The following PCDHGA1 variants were observed in gnomAD, a reference collection of about 807,000 sequenced individuals.
PCDHGA1 encodes the protein protocadherin gamma subfamily A, 1.
In PCDHGA1, 32 loss-of-function variants were observed where a neutral mutation model predicts 58.0. The ratio of observed to expected loss-of-function variants is 0.55; its 90% confidence interval spans 0.42 to 0.74. The LOEUF (loss-of-function observed/expected upper bound fraction) is 0.74. Among genes scored for constraint, PCDHGA1 ranks in the 30% least tolerant of loss-of-function variants. The pLI is 0.00. For synonymous variants in PCDHGA1, 498 were observed against 501.1 expected (o/e 0.99, Z 0.08); for missense variants, 1,205 against 1,182.3 (o/e 1.02, Z -0.28).
intron 1 of PCDHGA1, among the ~76,000 whole-genome samples, chr5:141,455,803 A>C (rs1197986124): frequency 2.6e-5 from 4 of 152,068 alleles, no homozygotes; most frequent in Non-Finnish European, 4.4e-5. Flanking sequence ...TGCTTTAAAA[A>C]ATGAAAACTT....
At chr5:141,371,895 C>T (rs1561553190) in intron 1 of PCDHGA1, 1 of 1,613,450 alleles carries the variant, frequency 6.2e-7, no homozygotes. Context: ...GCCGCGGGAG[C>T]TGTCGTCCTA....
At chr5:141,496,637 C>T (rs907246032) in intron 2 of PCDHGA1, among the ~76,000 whole-genome samples, 6 of 152,214 alleles carry the variant, frequency 3.9e-5, no homozygotes, top group Non-Finnish European at 7.3e-5. Context: ...GCTTGGGCTG[C>T]CCTTGCCCTT....
intron 1 of PCDHGA1, among the ~76,000 whole-genome samples, chr5:141,474,010 C>G (rs989832548): frequency 1.3e-5 from 2 of 152,092 alleles, no homozygotes; most frequent in Admixed American, 1.3e-4. Flanking sequence ...CTGGAAGTTA[C>G]AGTGAGCTAT....
intron 1 of PCDHGA1, chr5:141,339,880 CAT>C (rs753788079): frequency 1.2e-6 from 2 of 1,614,116 alleles, no homozygotes; most frequent in Non-Finnish European, 1.7e-6. Flanking sequence ...AACTGACAAT[CAT>C]AAAAGATCTA....
intron 1 of PCDHGA1, chr5:141,364,687 A>C: frequency 6.2e-7 from 1 of 1,614,004 alleles, no homozygotes; most frequent in Non-Finnish European, 8.5e-7. Flanking sequence ...TTTATGGAGT[A>C]GAAGTAGAAA....
At chr5:141,405,978 T>G (rs1280230437) in intron 1 of PCDHGA1, among the ~76,000 whole-genome samples, 1 of 152,144 alleles carries the variant, frequency 6.6e-6, no homozygotes, top group Non-Finnish European at 1.5e-5. Context: ...TAAACCATAC[T>G]TCATGGGGTA....
intron 1 of PCDHGA1, chr5:141,421,352 AGG>A: frequency 6.2e-7 from 1 of 1,613,946 alleles, no homozygotes; most frequent in Non-Finnish European, 8.5e-7. Context: ...GAGACCGAAA[AGG>A]GCTCCTTCGT....
rs1424221139 is a variant in PCDHGA1, at chr5:141,491,867, T to G, written c.2422-2940T>G. On this transcript the variant is annotated intron_variant, in intron 1 of 3. Coordinates refer to ENST00000517417, the MANE Select transcript of PCDHGA1 (RefSeq NM_018912.3). The surrounding 1 kb of genome is among the most constrained non-coding windows in gnomAD (Gnocchi z 6.9). ...TTGGACCGTTTGCGCGAAACCAGAG[T>G]GGCCGATTAAGGGATGGGGCTCCGA... 2 of 1,452,218 alleles carry G rather than the reference T, an allele frequency of 1.4e-6. No homozygotes were observed. The highest frequency in any genetic ancestry group is 1.8e-6 in the Non-Finnish European group (2 of 1,099,056). 90.0% of individuals were successfully genotyped at this position (1,452,218 alleles called of 1,614,324 possible).
chr5:141,446,455 T>G (rs1347586383), intron 1 of PCDHGA1, among the ~76,000 whole-genome samples: 1 of 151,858 alleles, frequency 6.6e-6, no homozygotes, highest in Non-Finnish European at 1.5e-5. Context: ...AGATATTCAG[T>G]GTGTGATTAG....
chr5:141,364,059 A>G (rs951709303), intron 1 of PCDHGA1, among the ~76,000 whole-genome samples: 1 of 152,254 alleles, frequency 6.6e-6, no homozygotes, highest in African/African-American at 2.4e-5. Flanking sequence ...AAATAAAATT[A>G]TAACTAAACT....
At chr5:141,440,280 A>G (rs1389627767) in intron 1 of PCDHGA1, 1 of 152,220 alleles carries the variant, frequency 6.6e-6, no homozygotes, top group East Asian at 1.9e-4. Context: ...CAGCCTGACC[A>G]ACATAGTGAA....
At chr5:141,439,077 C>T (rs978045948) in intron 1 of PCDHGA1, among the ~76,000 whole-genome samples, 1 of 151,492 alleles carries the variant, frequency 6.6e-6, no homozygotes, top group Non-Finnish European at 1.5e-5. Flanking sequence ...CCTGTAATCC[C>T]AGCTACTCAG....
At position 141,330,820 on chromosome 5, in the gene PCDHGA1, G is replaced by A; in HGVS notation, c.136G>A (p.Gly46Ser). Reference sequence around the variant, plus strand: ...AGAGACAGACAAAGGTTCCTTCGTAGGCAACATCGCCAAGGACCTAGGGCT... The same window carrying A: ...AGAGACAGACAAAGGTTCCTTCGTAAGCAACATCGCCAAGGACCTAGGGCT... Reference protein sequence around the residue: ...PEETDKGSFVGNIAKDLGLQP... With the variant: ...PEETDKGSFVSNIAKDLGLQP... The change falls in exon 1 of 4, where the codon GGC becomes AGC. Residue 46 changes from glycine (G) to serine (S), a missense_variant. By Grantham distance (56) the Gly-to-Ser change is moderately conservative (BLOSUM62 0). Coordinates refer to ENST00000517417, the MANE Select transcript of PCDHGA1 (RefSeq NM_018912.3). 1 of 1,614,210 alleles carries A rather than the reference G, an allele frequency of 6.2e-7. No individual in the cohort carries two copies. The highest frequency in any genetic ancestry group is 1.7e-5 in the Admixed American group (1 of 60,032).
At chr5:141,394,754 G>A (rs753264235) in intron 1 of PCDHGA1, 3 of 1,613,428 alleles carry the variant, frequency 1.9e-6, no homozygotes, top group African/African-American at 2.7e-5. Flanking sequence ...TGGCCGTCCA[G>A]GACCATGGCC....
At chr5:141,399,147 C>T (rs2093760764) in intron 1 of PCDHGA1, 1 of 1,613,664 alleles carries the variant, frequency 6.2e-7, no homozygotes. Flanking sequence ...ATGACAATAG[C>T]CCAGAAGTTA....
chr5:141,415,521 G>T lies in PCDHGA1; in HGVS notation c.2422-79286G>T, dbSNP rs1357538686. 2.5e-6 allele frequency: 4 copies of T among 1,614,070 alleles called. No individual in the cohort carries two copies. The African/African-American group carries it at 5.3e-5, about 22-fold the overall frequency. Reference sequence around the variant, plus strand: ...TCCCCCAGCCCAATTATGCGGACACGCTCATCAGCCAGGAGAGCTGTGAGA... The same window carrying T: ...TCCCCCAGCCCAATTATGCGGACACTCTCATCAGCCAGGAGAGCTGTGAGA... On this transcript the variant is annotated intron_variant, in intron 1 of 3. Coordinates refer to ENST00000517417, the MANE Select transcript of PCDHGA1 (RefSeq NM_018912.3).
At position 141,487,543 on chromosome 5, in the gene PCDHGA1, A is replaced by G. The variant is rs2099649285; in HGVS notation, c.2422-7264A>G. On this transcript the variant is annotated intron_variant, in intron 1 of 3. Coordinates refer to ENST00000517417, the MANE Select transcript of PCDHGA1 (RefSeq NM_018912.3). This position sits in a 1 kb window ranked among gnomAD's most constrained non-coding sequence, Gnocchi z 5.0. ...GTGATAGCTTCATGATGGTGAAGTC[A>G]CCCAGTGCACCTATGGCAGGGGAGC... is the stretch of plus-strand genomic sequence containing the variant. The G allele has an allele frequency of 3.7e-6, 6 of 1,614,114 alleles. No homozygotes were observed. In the South Asian group the frequency reaches 5.5e-5, roughly 15 times the overall value.
chr5:141,486,489 G>T lies in PCDHGA1; in HGVS notation c.2422-8318G>T. 2 of 1,614,060 alleles carry T rather than the reference G, an allele frequency of 1.2e-6. No homozygotes were observed. The highest frequency in any genetic ancestry group is 1.7e-6 in the Non-Finnish European group (2 of 1,179,892). ...GGGAACCCTCCTCTCAGTACCCACA[G>T]AACTATTTTCCTCAATATTTCAGAT... On this transcript the variant is annotated intron_variant, in intron 1 of 3. Coordinates refer to ENST00000517417, the MANE Select transcript of PCDHGA1 (RefSeq NM_018912.3). The surrounding 1 kb of genome is among the most constrained non-coding windows in gnomAD (Gnocchi z 5.0).
intron 1 of PCDHGA1, chr5:141,412,660 T>C (rs1337663720): frequency 6.6e-6 from 1 of 152,262 alleles, no homozygotes; most frequent in African/African-American, 2.4e-5. Flanking sequence ...ACCTAGACAC[T>C]AATATGACCT....
Sources: allele counts gnomAD v4.1 joint callset (sites outside exome capture counted in the v4.1 genomes callset), GRCh38; gene constraint gnomAD v4.1.1; non-coding constraint Gnocchi (gnomAD v3.1); transcripts MANE v1.5; gene names NCBI Gene and HGNC (gene_info 2026-07-23, HGNC 2026-07-21).